The following WSCD1 variants were observed in gnomAD, a reference collection of about 807,000 sequenced individuals.
WSCD1 encodes WSC domain sialate O sulfotransferase 1.
In WSCD1, 41 loss-of-function variants were observed where a neutral mutation model predicts 60.4. That is an observed-to-expected ratio of 0.68 (90% CI 0.53 to 0.88). The LOEUF is 0.88. Among genes scored for constraint, WSCD1 ranks in the 40% least tolerant of loss-of-function variants. The probability of loss-of-function intolerance (pLI) is 0.00; values close to 1 mark genes in which losing one functional copy is unlikely to be tolerated. For missense variants in WSCD1, 784 were observed against 796.2 expected, an observed-to-expected ratio of 0.98 and a Z score of 0.18; for synonymous variants, 361 against 332.5, an observed-to-expected ratio of 1.09 and a Z score of -0.93.
intron 7 of WSCD1, among the ~76,000 whole-genome samples, chr17:6,111,138 A>C (rs909659993): frequency 2.0e-5 from 3 of 152,066 alleles, no homozygotes; most frequent in African/African-American, 7.2e-5. Flanking sequence ...CATCCACAAC[A>C]AAGTTACGCC....
intron 2 of WSCD1, among the ~76,000 whole-genome samples, chr17:6,086,537 A>G (rs1909661040): frequency 6.6e-6 from 1 of 151,934 alleles, no homozygotes; most frequent in Non-Finnish European, 1.5e-5. Context: ...TATTTTTAGT[A>G]GAGACGGGGT....
At chr17:6,070,927 C>A (rs1002911175) in intron 1 of WSCD1, among the ~76,000 whole-genome samples, 1 of 151,690 alleles carries the variant, frequency 6.6e-6, no homozygotes. Flanking sequence ...GTGCGCGAGG[C>A]GCCGCACGAG....
At chr17:6,082,186 A>G (rs11651113) in intron 2 of WSCD1, among the ~76,000 whole-genome samples, 35,789 of 152,004 alleles carry the variant, frequency 0.24, 4,717 homozygotes, top group Non-Finnish European at 0.31. Context: ...GTCAATTGCC[A>G]AGGTTATTCT....
intron 4 of WSCD1, 145 bp downstream of exon 4, chr17:6,090,650 G>A: frequency 8.4e-7 from 1 of 1,190,700 alleles, no homozygotes; most frequent in Non-Finnish European, 1.2e-6. Context: ...TCACTGGACA[G>A]GCTCCTGGCA....
At chr17:6,088,157 C>T (rs2150541717) in intron 3 of WSCD1, 53 bp downstream of exon 3, 4 of 1,511,902 alleles carry the variant, frequency 2.6e-6, no homozygotes, top group Non-Finnish European at 3.7e-6. Context: ...GGTCCAGGGA[C>T]AGTTCCAGAA....
At chr17:6,106,369 A>G (rs552986407) in intron 5 of WSCD1, among the ~76,000 whole-genome samples, 1 of 152,370 alleles carries the variant, frequency 6.6e-6, no homozygotes, top group East Asian at 1.9e-4. Flanking sequence ...GTCAATCACT[A>G]GTGGATGAAT....
chr17:6,078,575 TGTGTGCGTGTGTGTGCGTGCATGCATGC>T (rs1909018394), intron 1 of WSCD1, among the ~76,000 whole-genome samples: 1 of 151,934 alleles, frequency 6.6e-6, no homozygotes, highest in Non-Finnish European at 1.5e-5. Context: ...TGTGTGTGTG[TGTGTGCGTGTGTGTGCGTGCATGCATGC>T]GTGTGCATGT....
intron 1 of WSCD1, among the ~76,000 whole-genome samples, chr17:6,079,354 G>A (rs1597350346): frequency 6.6e-6 from 1 of 152,230 alleles, no homozygotes; most frequent in East Asian, 1.9e-4. Context: ...TTGTGCTAAG[G>A]GCTTTGCTCA....
At chr17:6,090,238 A>G in intron 3 of WSCD1, 83 bp from the exon 4 acceptor site, 1 of 1,366,270 alleles carries the variant, frequency 7.3e-7, no homozygotes, top group Non-Finnish European at 9.8e-7. Context: ...TCTAATCTAC[A>G]TCAAGCTGAA....
At chr17:6,087,832 C>T in intron 2 of WSCD1, 158 bp from the exon 3 acceptor site, 1 of 591,768 alleles carries the variant, frequency 1.7e-6, no homozygotes, top group Non-Finnish European at 3.0e-6. Flanking sequence ...GCTCACTTTG[C>T]TCAGCACTGA....
chr17:6,098,765 T>C (rs1910610402), intron 5 of WSCD1, among the ~76,000 whole-genome samples: 1 of 152,224 alleles, frequency 6.6e-6, no homozygotes, highest in Non-Finnish European at 1.5e-5. Flanking sequence ...AAGTGGGTAT[T>C]GGCAGCGCAT....
intron 3 of WSCD1, among the ~76,000 whole-genome samples, chr17:6,089,012 G>C (rs939092750): frequency 6.6e-5 from 10 of 152,050 alleles, no homozygotes; most frequent in African/African-American, 2.4e-4. Flanking sequence ...TCAATCTCCT[G>C]ACCTCATGAT....
chr17:6,080,602 A>T lies in WSCD1; in HGVS notation c.-57A>T. 8 of 1,590,122 alleles carry T rather than the reference A, an allele frequency of 5.0e-6. No individual in the cohort carries two copies. Among genetic ancestry groups the T allele is most frequent in the Non-Finnish European group, 6.8e-6 (8 of 1,168,614 alleles). On this transcript the variant is annotated 5_prime_UTR_variant, in exon 2 of 9. Coordinates refer to ENST00000317744, the MANE Select transcript of WSCD1 (RefSeq NM_015253.2). The surrounding 1 kb of genome is among the most constrained non-coding windows in gnomAD (Gnocchi z 6.6). Reference sequence around the variant, plus strand: ...CTCCGGAGGCCCTGGCCTCACTCCCACCTGGGCGCTAGGAGCCATCCCGGG... The same window carrying T: ...CTCCGGAGGCCCTGGCCTCACTCCCTCCTGGGCGCTAGGAGCCATCCCGGG...
chr17:6,069,755 C>T (rs1908406714), upstream of WSCD1, among the ~76,000 whole-genome samples: 1 of 148,422 alleles, frequency 6.7e-6, no homozygotes, highest in Non-Finnish European at 1.5e-5. Flanking sequence ...GTCTCTAGCT[C>T]TGCATGGGAC....
At position 6,101,135 on chromosome 17, in the gene WSCD1, G is replaced by C. The variant is rs1431205204; in HGVS notation, c.849+5912G>C. Among the ~76,000 whole-genome samples, 2 of 152,090 alleles carry C rather than the reference G, an allele frequency of 1.3e-5. No homozygotes were observed. Among genetic ancestry groups the C allele is most frequent in the African/African-American group, 4.8e-5 (2 of 41,398 alleles). On this transcript the variant is annotated intron_variant, in intron 5 of 8. Transcript: ENST00000317744. The surrounding 1 kb of genome is among the most constrained non-coding windows in gnomAD (Gnocchi z 4.1). ...TGAAGTGCCAAGCACGTCCTCTCTG[G>C]AAAGGCCAGTGGTGTGGAGGCTGCC...
Position 6,120,910 on chromosome 17 carries a change from CAT to C in WSCD1, c.*251_*252del, listed in dbSNP as rs1049327177. 9.2e-6 allele frequency: 5 copies of C among 540,776 alleles called. No individual in the cohort carries two copies. Among genetic ancestry groups the C allele is most frequent in the Non-Finnish European group, 1.6e-5 (5 of 304,216 alleles). 33.5% of individuals were successfully genotyped at this position (540,776 alleles called of 1,614,324 possible). A position where few individuals can be genotyped will look rare whatever the true frequency, so the allele number is the denominator to read the frequency against. The stretch of plus-strand genomic sequence containing the variant: ...AGACACTCAGACACCACTCCAGGCT[CAT>C]AGCCCCGTCTTGATGCAGAGAAGCC... On this transcript the variant is annotated 3_prime_UTR_variant, in exon 9 of 9. Coordinates refer to ENST00000317744, the MANE Select transcript of WSCD1 (RefSeq NM_015253.2).
chr17:6,108,880 A>G (rs1957155012), intron 5 of WSCD1, among the ~76,000 whole-genome samples: 1 of 152,190 alleles, frequency 6.6e-6, no homozygotes, highest in South Asian at 2.1e-4. Context: ...CCTACCCCTG[A>G]CAGGGCCCCC....
chr17:6,071,808 TG>T (rs777955617), intron 1 of WSCD1, among the ~76,000 whole-genome samples: 1 of 152,176 alleles, frequency 6.6e-6, no homozygotes. Context: ...GAGGTTTCCT[TG>T]GGCTATGGGA....
chr17:6,084,697 C>T (rs889084007), intron 2 of WSCD1: 3 of 152,144 alleles, frequency 2.0e-5, no homozygotes, highest in African/African-American at 4.8e-5. Flanking sequence ...TCAAAGCCGT[C>T]GTTACTAGCC....
Sources: allele counts gnomAD v4.1 joint callset (sites outside exome capture counted in the v4.1 genomes callset), GRCh38; gene constraint gnomAD v4.1.1; non-coding constraint Gnocchi (gnomAD v3.1); transcripts MANE v1.5; gene names NCBI Gene and HGNC (gene_info 2026-07-23, HGNC 2026-07-21).